Variants in TSNAXIP1 observed in about 807,000 individuals in gnomAD.
TSNAXIP1 encodes translin associated factor X interacting protein 1.
A neutral mutation model predicts 84.8 loss-of-function variants in TSNAXIP1; 89 were observed. That is an observed-to-expected ratio of 1.05 (90% CI 0.88 to 1.25). The LOEUF is 1.25. Ranked by LOEUF, TSNAXIP1 falls within the 50% of genes most tolerant of loss-of-function variation. The pLI is 0.00. For missense variants in TSNAXIP1, 874 were observed against 887.6 expected, an observed-to-expected ratio of 0.98 and a Z score of 0.20; for synonymous variants, 347 against 335.2, an observed-to-expected ratio of 1.04 and a Z score of -0.39.
In TSNAXIP1 at chr16:67,806,953, C is replaced by G. The variant is rs2055487884; in HGVS notation, c.-197C>G. 2 of 837,310 alleles carry G rather than the reference C, an allele frequency of 2.4e-6. No homozygotes were observed. The highest frequency in any genetic ancestry group is 1.7e-5 in the African/African-American group (1 of 58,144). The allele number at this position is 837,310 out of a possible 1,614,324, so 51.9% of individuals were successfully genotyped here. On this transcript the variant is annotated 5_prime_UTR_variant, in exon 1 of 16. Transcript: ENST00000561639. ...CTGTAGTGGTTGACTCTCAGGGCAC[C>G]CGCTGCCGGGTCCCAGTCCACCTTT...
At chr16:67,820,214 C>G (rs556305275) in intron 2 of TSNAXIP1, among the ~76,000 whole-genome samples, 1 of 151,324 alleles carries the variant, frequency 6.6e-6, no homozygotes, top group Admixed American at 6.6e-5. Context: ...CCTCAGCCTC[C>G]GAAAGTGCTG....
At chr16:67,819,411 T>G (rs2056851686) in intron 2 of TSNAXIP1, among the ~76,000 whole-genome samples, 1 of 148,042 alleles carries the variant, frequency 6.8e-6, no homozygotes, top group Non-Finnish European at 1.5e-5. Flanking sequence ...GCCCGGCTAA[T>G]TTTTGTATTT....
At position 67,826,265 on chromosome 16, in the gene TSNAXIP1, G is replaced by T; in HGVS notation, c.1258G>T (p.Asp420Tyr). Residue 420 changes from aspartate (D) to tyrosine (Y), a missense_variant, in exon 10 of 16, where the codon GAC becomes TAC. Physicochemically the swap from Asp to Tyr is radical, Grantham distance 160. Transcript: ENST00000561639. ...EIGSGLLREK[D>Y]FFPGLGYGEA... ...TGGTTCGGGGCTGCTGCGGGAGAAA[G>T]ACTTCTTCCCTGGTCTGGTAGGGGA... is the stretch of plus-strand genomic sequence containing the variant. 1 of 1,580,522 alleles carries T rather than the reference G, an allele frequency of 6.3e-7. No homozygotes were observed. Among genetic ancestry groups the T allele is most frequent in the Non-Finnish European group, 8.6e-7 (1 of 1,161,592 alleles).
chr16:67,816,753 G>A (rs1029774001), intron 2 of TSNAXIP1, among the ~76,000 whole-genome samples: 1 of 152,018 alleles, frequency 6.6e-6, no homozygotes, highest in Admixed American at 6.6e-5. Flanking sequence ...TTACCTACAG[G>A]GGGAAGCAGA....
chr16:67,824,538 G>T, intron 5 of TSNAXIP1, 45 bp from the exon 6 acceptor site: 3 of 1,591,592 alleles, frequency 1.9e-6, no homozygotes, highest in Non-Finnish European at 2.6e-6. Flanking sequence ...CTGGCTGTTT[G>T]TTCTCCATGG....
Position 67,827,328 on chromosome 16 carries a change from A to G in TSNAXIP1, c.1744A>G (p.Ser582Gly). 1 of 1,614,230 alleles carries G rather than the reference A, an allele frequency of 6.2e-7. No homozygotes were observed. Among genetic ancestry groups the G allele is most frequent in the South Asian group, 1.1e-5 (1 of 91,084 alleles). The change falls in exon 14 of 16, where the codon AGC becomes GGC. Residue 582 changes from serine to glycine, a missense_variant. Coordinates refer to ENST00000561639, the MANE Select transcript of TSNAXIP1 (RefSeq NM_001288990.3). Reference sequence around the variant, plus strand: ...GATGGAGGCAGGGGGCTGGCATCCCAGCAGCAGCAATGCAGACTTGCTCAA... The same window carrying G: ...GATGGAGGCAGGGGGCTGGCATCCCGGCAGCAGCAATGCAGACTTGCTCAA... ...ELMEAGGWHP[S>G]SSNADLLNYR...
In TSNAXIP1 at chr16:67,827,750, C is replaced by A. The variant is rs764467864; in HGVS notation, c.1899-3C>A. 3.1e-6 allele frequency: 5 copies of A among 1,613,724 alleles called. No homozygotes were observed. In the Admixed American group the frequency reaches 6.7e-5, roughly 22 times the overall value. On this transcript the variant is annotated splice_polypyrimidine_tract_variant and splice_region_variant and intron_variant, in intron 15 of 15. Coordinates refer to ENST00000561639, the MANE Select transcript of TSNAXIP1 (RefSeq NM_001288990.3). ...GCCTGTCACTCTCTTTCCTGTGGGG[C>A]AGCCATGAGGAAGTGACTCTGCCCA... is the stretch of plus-strand genomic sequence containing the variant.
chr16:67,817,913 A>G (rs2056721902), intron 2 of TSNAXIP1, among the ~76,000 whole-genome samples: 1 of 145,300 alleles, frequency 6.9e-6, no homozygotes, highest in Admixed American at 6.9e-5. Context: ...AAAAACAAAT[A>G]ATAAAAAATA....
intron 1 of TSNAXIP1, among the ~76,000 whole-genome samples, chr16:67,811,675 C>G (rs916023820): frequency 1.3e-5 from 2 of 151,916 alleles, no homozygotes. Flanking sequence ...AACTCCTGAC[C>G]TCGTGATTTG....
At chr16:67,817,108 G>A (rs1351629053) in intron 2 of TSNAXIP1, among the ~76,000 whole-genome samples, 1 of 151,842 alleles carries the variant, frequency 6.6e-6, no homozygotes, top group African/African-American at 2.4e-5. Flanking sequence ...TGGGACTACA[G>A]GCACGTGTCA....
In TSNAXIP1 at chr16:67,826,076, G is replaced by A. The variant is rs777706694; in HGVS notation, c.1144G>A (p.Asp382Asn). 1.2e-6 allele frequency: 2 copies of A among 1,613,478 alleles called. No individual in the cohort carries two copies. Among genetic ancestry groups the A allele is most frequent in the South Asian group, 2.2e-5 (2 of 91,090 alleles). ...GCGGCCTGACTGGACCAAGTGCAAA[G>A]GTGAGGGCAGCCGGCAGGGCCCCAG... ...TPRPDWTKCK[D>N]VVAGGPERWQ... The change falls in exon 9 of 16, where the codon GAT (aspartate) becomes AAT (asparagine). Residue 382 changes from aspartate to asparagine, a missense_variant and splice_region_variant. Asp to Asn is a conservative substitution (Grantham distance 23, BLOSUM62 1). Transcript: ENST00000561639.
intron 6 of TSNAXIP1, 37 bp downstream of exon 6, chr16:67,824,816 A>G (rs1025437371): frequency 5.5e-5 from 87 of 1,593,708 alleles, no homozygotes; most frequent in Non-Finnish European, 7.1e-5. Flanking sequence ...CAAGTCCCCG[A>G]ATTCCTGCCA....
At chr16:67,819,306 C>T (rs1353228881) in intron 2 of TSNAXIP1, among the ~76,000 whole-genome samples, 1 of 144,366 alleles carries the variant, frequency 6.9e-6, no homozygotes, top group South Asian at 2.2e-4. Context: ...TGCAAGGGGT[C>T]GATCCCAGCT....
intron 1 of TSNAXIP1, among the ~76,000 whole-genome samples, chr16:67,808,547 C>T (rs2055709339): frequency 6.6e-6 from 1 of 151,380 alleles, no homozygotes; most frequent in Non-Finnish European, 1.5e-5. Context: ...GCACTCCAGC[C>T]TGGGCAACAG....
rs750933068 is a variant in TSNAXIP1, at chr16:67,826,681, C to T, written c.1402-11C>T. 9.3e-6 allele frequency: 15 copies of T among 1,612,330 alleles called. No individual in the cohort carries two copies. The highest frequency in any genetic ancestry group is 1.3e-5 in the African/African-American group (1 of 74,838). ...GTAAGACTCTGACTGAGCATTTCCT[C>T]GATCCCGCAGAAAGAGACGTTCCCA... On this transcript the variant is annotated splice_polypyrimidine_tract_variant and intron_variant, in intron 11 of 15. Coordinates refer to ENST00000561639, the MANE Select transcript of TSNAXIP1 (RefSeq NM_001288990.3).
chr16:67,826,897 G>A, intron 12 of TSNAXIP1, 53 bp downstream of exon 12: 4 of 1,612,154 alleles, frequency 2.5e-6, no homozygotes, highest in Non-Finnish European at 3.4e-6. Context: ...TTTGTCCCTA[G>A]CATAGACCAG....
In TSNAXIP1 at chr16:67,814,296, G is replaced by A. The variant is rs1251211470; in HGVS notation, c.48-6G>A. 3 of 1,534,902 alleles carry A rather than the reference G, an allele frequency of 2.0e-6. No homozygotes were observed. Among genetic ancestry groups the A allele is most frequent in the Admixed American group, 3.9e-5 (2 of 50,972 alleles). ...ACCCACCATCAGCTTTCCCTTCTCT[G>A]TGCAGATTACAGCCACGGCCTTCAG... is the stretch of plus-strand genomic sequence containing the variant. On this transcript the variant is annotated splice_region_variant and splice_polypyrimidine_tract_variant and intron_variant, in intron 1 of 15. Coordinates refer to ENST00000561639, the MANE Select transcript of TSNAXIP1 (RefSeq NM_001288990.3).
Position 67,825,305 on chromosome 16 carries a change from T to C in TSNAXIP1, c.814+33T>C, listed in dbSNP as rs907150598. ...TGAATTGGGAATCGGGTTTCTCTCT[T>C]CTCTGAGACGCTGGAAGACTCTGGT... On this transcript the variant is annotated intron_variant, in intron 7 of 15. Coordinates refer to ENST00000561639, the MANE Select transcript of TSNAXIP1 (RefSeq NM_001288990.3). 6 of 1,611,412 alleles carry C rather than the reference T, an allele frequency of 3.7e-6. No individual in the cohort carries two copies. The African/African-American group carries it at 6.7e-5, about 18-fold the overall frequency.
chr16:67,818,982 C>T (rs563336637), intron 2 of TSNAXIP1, among the ~76,000 whole-genome samples: 24 of 151,862 alleles, frequency 1.6e-4, no homozygotes, highest in Middle Eastern at 3.4e-3. Context: ...GGGAATCAGG[C>T]GTGAGCTGGG....
Sources: gnomAD v4.1 joint callset for allele counts (sites outside exome capture counted in the v4.1 genomes callset) on GRCh38, gnomAD v4.1.1 for gene constraint, MANE v1.5 for transcripts, NCBI Gene and HGNC (gene_info 2026-07-23, HGNC 2026-07-21) for gene names.